The following ALKBH8 variants were observed in gnomAD, a reference collection of about 807,000 sequenced individuals.
ALKBH8 encodes the protein tRNA (carboxymethyluridine(34)-5-O)-methyltransferase ALKBH8.
A neutral mutation model predicts 59.8 loss-of-function variants in ALKBH8; 36 were observed. That is an observed-to-expected ratio of 0.60 (90% CI 0.46 to 0.79). The LOEUF (loss-of-function observed/expected upper bound fraction) is 0.79. Among genes scored for constraint, ALKBH8 ranks in the 30% least tolerant of loss-of-function variants. ALKBH8 has a pLI of 0.00. For missense variants in ALKBH8, 768 were observed against 801.0 expected (o/e 0.96, Z 0.50); for synonymous variants, 276 against 273.6 (o/e 1.01, Z -0.09).
intron 8 of ALKBH8, among the ~76,000 whole-genome samples, chr11:107,530,768 T>C (rs1863562379): frequency 6.6e-6 from 1 of 152,118 alleles, no homozygotes; most frequent in Admixed American, 6.6e-5. Flanking sequence ...AAATAAATAT[T>C]ACCTATAATC....
Position 107,565,678 on chromosome 11 carries a change from C to T in ALKBH8, c.-84G>A, listed in dbSNP as rs1865106681. 7 of 1,535,552 alleles carry T rather than the reference C, an allele frequency of 4.6e-6. No homozygotes were observed. The highest frequency in any genetic ancestry group is 2.0e-5 in the Admixed American group (1 of 50,990). On this transcript the variant is annotated 5_prime_UTR_variant, in exon 1 of 12. Coordinates refer to ENST00000428149, the MANE Select transcript of ALKBH8 (RefSeq NM_138775.3). Reference sequence around the variant, plus strand: ...CAGCCTCTCCACTCTAGCACCAGAACACCGCAGCGGATACTTGCACGCCAT... The same window carrying T: ...CAGCCTCTCCACTCTAGCACCAGAATACCGCAGCGGATACTTGCACGCCAT...
At chr11:107,540,042 C>T (rs1863975276) in intron 7 of ALKBH8, among the ~76,000 whole-genome samples, 1 of 152,164 alleles carries the variant, frequency 6.6e-6, no homozygotes, top group African/African-American at 2.4e-5. Context: ...CTAAATACCA[C>T]TGTGGTCCAA....
At chr11:107,527,752 T>A (rs2135514327) in intron 8 of ALKBH8, among the ~76,000 whole-genome samples, 1 of 152,218 alleles carries the variant, frequency 6.6e-6, no homozygotes, top group Non-Finnish European at 1.5e-5. Context: ...CACAATAATG[T>A]AATCTACAAA....
At chr11:107,534,825 T>C (rs1442971861) in intron 7 of ALKBH8, among the ~76,000 whole-genome samples, 1 of 151,794 alleles carries the variant, frequency 6.6e-6, no homozygotes, top group South Asian at 2.1e-4. Context: ...AGTTCTTTAG[T>C]GGTGATTTCT....
At chr11:107,509,789 G>A (rs1862546585) in intron 11 of ALKBH8, among the ~76,000 whole-genome samples, 1 of 152,114 alleles carries the variant, frequency 6.6e-6, no homozygotes, top group East Asian at 1.9e-4. Flanking sequence ...TTTCTAAGAC[G>A]ATCATATAGA....
intron 2 of ALKBH8, 148 bp downstream of exon 2, chr11:107,560,617 T>C (rs1438399861): frequency 1.5e-6 from 1 of 672,388 alleles, no homozygotes; most frequent in Non-Finnish European, 2.2e-6. Context: ...AAATAGAAAG[T>C]TAGCAGTTCA....
intron 7 of ALKBH8, among the ~76,000 whole-genome samples, chr11:107,540,039 C>G (rs778996106): frequency 6.6e-6 from 1 of 152,160 alleles, no homozygotes; most frequent in Non-Finnish European, 1.5e-5. Flanking sequence ...CAGCTAAATA[C>G]CACTGTGGTC....
intron 7 of ALKBH8, among the ~76,000 whole-genome samples, chr11:107,546,402 A>G (rs1312423556): frequency 6.6e-6 from 1 of 152,214 alleles, no homozygotes; most frequent in Non-Finnish European, 1.5e-5. Flanking sequence ...GGACAAATTC[A>G]TCAGTGAAGG....
intron 10 of ALKBH8, among the ~76,000 whole-genome samples, chr11:107,516,595 A>G (rs1301416067): frequency 1.3e-5 from 2 of 152,358 alleles, no homozygotes; most frequent in East Asian, 1.9e-4. Context: ...TAAAGCAAAA[A>G]TATACAAATG....
intron 8 of ALKBH8, among the ~76,000 whole-genome samples, chr11:107,527,325 C>A (rs185178239): frequency 2.4e-4 from 36 of 151,958 alleles, no homozygotes; most frequent in African/African-American, 8.7e-4. Context: ...ATGTGCTAAT[C>A]CTGAAGGATC....
chr11:107,542,559 T>A (rs1864084347), intron 7 of ALKBH8, among the ~76,000 whole-genome samples: 1 of 152,154 alleles, frequency 6.6e-6, no homozygotes, highest in Non-Finnish European at 1.5e-5. Flanking sequence ...AAACATGGGA[T>A]GCAATAAAGC....
intron 7 of ALKBH8, among the ~76,000 whole-genome samples, chr11:107,538,197 T>C (rs1863901125): frequency 6.7e-6 from 1 of 150,372 alleles, no homozygotes; most frequent in Non-Finnish European, 1.5e-5. Flanking sequence ...CTGAAACTTA[T>C]TTTGGCATAT....
At chr11:107,511,499 A>G (rs1862623524) in intron 10 of ALKBH8, among the ~76,000 whole-genome samples, 1 of 151,990 alleles carries the variant, frequency 6.6e-6, no homozygotes, top group East Asian at 1.9e-4. Context: ...AGGATAGGCA[A>G]TTTTTTTTCT....
chr11:107,540,996 G>A (rs981681043), intron 7 of ALKBH8, among the ~76,000 whole-genome samples: 1 of 151,872 alleles, frequency 6.6e-6, no homozygotes, highest in South Asian at 2.1e-4. Flanking sequence ...TATTTTCTGG[G>A]CTTTCCTCCT....
chr11:107,515,790 T>C (rs1018565039), intron 10 of ALKBH8, among the ~76,000 whole-genome samples: 3 of 152,190 alleles, frequency 2.0e-5, no homozygotes, highest in Non-Finnish European at 4.4e-5. Context: ...TTTCTTCCAT[T>C]AAACTATCAA....
intron 7 of ALKBH8, among the ~76,000 whole-genome samples, chr11:107,545,289 A>G (rs1864204420): frequency 6.6e-6 from 1 of 152,314 alleles, no homozygotes; most frequent in East Asian, 1.9e-4. Flanking sequence ...ACATTTGTCC[A>G]TTAAAACAAT....
At chr11:107,529,749 G>A (rs866494096) in intron 8 of ALKBH8, among the ~76,000 whole-genome samples, 27 of 151,970 alleles carry the variant, frequency 1.8e-4, no homozygotes, top group Middle Eastern at 3.2e-3. Flanking sequence ...TGATCCACCC[G>A]CCTTGGCCTC....
intron 9 of ALKBH8, 103 bp downstream of exon 9, chr11:107,525,338 T>G: frequency 9.4e-7 from 1 of 1,065,710 alleles, no homozygotes; most frequent in Non-Finnish European, 1.3e-6. Context: ...GAAATGCCAT[T>G]AGAGAGATTC....
intron 7 of ALKBH8, among the ~76,000 whole-genome samples, chr11:107,545,836 A>G (rs763768216): frequency 2.0e-5 from 3 of 152,218 alleles, no homozygotes; most frequent in Non-Finnish European, 4.4e-5. Context: ...CGAAATTGAT[A>G]AAAGGGATGT....
Sources: allele counts gnomAD v4.1 joint callset (sites outside exome capture counted in the v4.1 genomes callset), GRCh38; gene constraint gnomAD v4.1.1; transcripts MANE v1.5; gene names NCBI Gene and HGNC (gene_info 2026-07-23, HGNC 2026-07-21).